The following EVI5 variants were observed in gnomAD, a reference collection of about 807,000 sequenced individuals.
EVI5 encodes ecotropic viral integration site 5.
EVI5 carries 73 observed loss-of-function variants against 112.0 expected under a neutral mutation model. The observed-to-expected ratio is 0.65, with a 90% CI of 0.54 to 0.79. The LOEUF (loss-of-function observed/expected upper bound fraction) is 0.79. Ranked by LOEUF, EVI5 falls within the 30% of genes least tolerant of loss-of-function variation. EVI5 has a pLI of 0.00. For missense variants in EVI5, 900 were observed against 968.8 expected (o/e 0.93, Z 0.94); for synonymous variants, 305 against 319.9 (o/e 0.95, Z 0.50).
Position 92,605,400 on chromosome 1 carries a change from AT to A in EVI5, c.1976del (p.Asn659IlefsTer5), listed in dbSNP as rs1650154887. ...GCCTCACAGCCATCACTTCTTCCTT[AT>A]TCTAGTGTGGTAAACCAAACCGAAA... Reference protein sequence around the residue: ...KRKQAEIECKNKEEVMAVRLR... With the variant: ...KRKQAEIECKXKEEVMAVRLR... On this transcript the variant is annotated frameshift_variant and splice_region_variant, in exon 18 of 20. Coordinates refer to ENST00000684568, the MANE Select transcript of EVI5 (RefSeq NM_001350197.2). LOFTEE classifies it high-confidence loss of function. 6.2e-7 allele frequency: 1 copy of A among 1,607,374 alleles called. No individual in the cohort carries two copies. Among genetic ancestry groups the A allele is most frequent in the East Asian group, 2.2e-5 (1 of 44,858 alleles).
Position 92,564,096 on chromosome 1 carries a change from T to C in EVI5, c.2071-359A>G, listed in dbSNP as rs528158719. Among the ~76,000 whole-genome samples, 5 of 152,284 alleles carry C rather than the reference T, an allele frequency of 3.3e-5. No individual in the cohort carries two copies. In the East Asian group the frequency reaches 7.7e-4, roughly 23 times the overall value. On this transcript the variant is annotated intron_variant, in intron 18 of 19. Transcript: ENST00000684568. ...GTGCCACCACGCCTGGCTAATTTTG[T>C]ATTTTTAGTAGACACAGGGTTTCTC... is the stretch of plus-strand genomic sequence containing the variant.
At chr1:92,567,413 G>T (rs1669668441) in intron 18 of EVI5, among the ~76,000 whole-genome samples, 1 of 152,142 alleles carries the variant, frequency 6.6e-6, no homozygotes, top group Non-Finnish European at 1.5e-5. Flanking sequence ...CTCACCCAAA[G>T]CAACTTTCAG....
intron 14 of EVI5, among the ~76,000 whole-genome samples, chr1:92,634,175 T>C (rs541183531): frequency 1.3e-5 from 2 of 152,150 alleles, no homozygotes; most frequent in Non-Finnish European, 2.9e-5. Context: ...TTGCTCTTCT[T>C]GAGGAGTATC....
At chr1:92,653,929 T>C (rs1451847613) in intron 13 of EVI5, among the ~76,000 whole-genome samples, 1 of 151,908 alleles carries the variant, frequency 6.6e-6, no homozygotes, top group Non-Finnish European at 1.5e-5. Flanking sequence ...GGGAGAGAGA[T>C]TACATTCCTG....
intron 16 of EVI5, among the ~76,000 whole-genome samples, chr1:92,609,356 AATTTC>A (rs1344913297): frequency 7.9e-5 from 12 of 151,950 alleles, no homozygotes; most frequent in African/African-American, 1.2e-4. Context: ...CATGTCATGT[AATTTC>A]ATTTCATTTT....
At chr1:92,519,138 GAA>G (rs1248226185) in intron 19 of EVI5, among the ~76,000 whole-genome samples, 1 of 151,956 alleles carries the variant, frequency 6.6e-6, no homozygotes, top group Non-Finnish European at 1.5e-5. Context: ...ATTTTTTCAG[GAA>G]AGTAGATAAT....
At chr1:92,776,712 T>C (rs1403953955) in intron 1 of EVI5, among the ~76,000 whole-genome samples, 1 of 151,562 alleles carries the variant, frequency 6.6e-6, no homozygotes, top group Non-Finnish European at 1.5e-5. Context: ...CTCGACTCAC[T>C]GCAGCCTCTG....
intron 13 of EVI5, chr1:92,647,327 G>C (rs187691382): frequency 6.0e-5 from 13 of 217,492 alleles, no homozygotes; most frequent in Non-Finnish European, 3.8e-5. Context: ...ATCTTGGGGT[G>C]AAATTCTGAA....
At position 92,513,798 on chromosome 1, in the gene EVI5, C is replaced by A. The variant is rs1367411605; in HGVS notation, c.2339G>T (p.Gly780Val). The A allele has an allele frequency of 1.9e-6, 3 of 1,613,074 alleles. No homozygotes were observed. Among genetic ancestry groups the A allele is most frequent in the African/African-American group, 2.7e-5 (2 of 74,604 alleles). ...CACTGCGGGGTCCAAAGACATCGAACCAGATTTTCCGTGCAAAGGAAAACC... is the reference window on the plus strand; with the variant it reads ...CACTGCGGGGTCCAAAGACATCGAAACAGATTTTCCGTGCAAAGGAAAACC... ...GVGFPLHGKS[G>V]SMSLDPAVAD... Residue 780 changes from glycine to valine, a missense_variant, in exon 20 of 20, where the codon GGT becomes GTT. By Grantham distance (109) the Gly-to-Val change is moderately radical. Coordinates refer to ENST00000684568, the MANE Select transcript of EVI5 (RefSeq NM_001350197.2).
At chr1:92,637,030 A>G (rs1248519732) in intron 13 of EVI5, among the ~76,000 whole-genome samples, 1 of 152,208 alleles carries the variant, frequency 6.6e-6, no homozygotes, top group African/African-American at 2.4e-5. Flanking sequence ...AAAACAGGGT[A>G]CCTACAATAA....
intron 9 of EVI5, among the ~76,000 whole-genome samples, chr1:92,677,429 C>A (rs1666935099): frequency 6.6e-6 from 1 of 152,054 alleles, no homozygotes; most frequent in Admixed American, 6.6e-5. Flanking sequence ...ATAAAAACCA[C>A]ACAAAAAGAA....
chr1:92,522,631 CAAAA>C (rs61277173), intron 19 of EVI5, among the ~76,000 whole-genome samples: 2 of 70,486 alleles, frequency 2.8e-5, no homozygotes, highest in Admixed American at 2.2e-4. Flanking sequence ...ACTCCATCTC[CAAAA>C]AAAAAAAAAA....
At chr1:92,782,953 C>T (rs1181520446) in intron 1 of EVI5, among the ~76,000 whole-genome samples, 2 of 151,982 alleles carry the variant, frequency 1.3e-5, no homozygotes, top group Non-Finnish European at 2.9e-5. Context: ...CTGGGTAGCT[C>T]GGACTACCAG....
At chr1:92,635,976 C>T (rs1465988446) in intron 14 of EVI5, among the ~76,000 whole-genome samples, 1 of 152,154 alleles carries the variant, frequency 6.6e-6, no homozygotes, top group Non-Finnish European at 1.5e-5. Context: ...CAAAAGGGCT[C>T]TAATCTCCAT....
chr1:92,606,797 GT>G (rs767814206), intron 17 of EVI5, among the ~76,000 whole-genome samples: 40 of 151,822 alleles, frequency 2.6e-4, no homozygotes, highest in Middle Eastern at 3.2e-3. Flanking sequence ...CCATGGAAAG[GT>G]GGATGCCTAG....
At chr1:92,697,028 A>C (rs1448285959) in intron 6 of EVI5, among the ~76,000 whole-genome samples, 1 of 152,190 alleles carries the variant, frequency 6.6e-6, no homozygotes, top group Non-Finnish European at 1.5e-5. Context: ...CCACAGAGCG[A>C]GACTCCATCT....
At chr1:92,561,609 CTAT>C (rs1557790228) in intron 19 of EVI5, among the ~76,000 whole-genome samples, 1 of 20,866 alleles carries the variant, frequency 4.8e-5, no homozygotes, top group East Asian at 1.5e-3. Context: ...CTAATCTATC[CTAT>C]CTATCTATCT....
chr1:92,628,388 T>A (rs1656160859), intron 14 of EVI5, among the ~76,000 whole-genome samples: 1 of 152,242 alleles, frequency 6.6e-6, no homozygotes, highest in African/African-American at 2.4e-5. Context: ...TTCTTGGTCA[T>A]GAAATCCTTG....
intron 19 of EVI5, among the ~76,000 whole-genome samples, chr1:92,550,781 A>AATAT (rs1330757944): frequency 0.096 from 1,945 of 20,278 alleles, 103 homozygotes; most frequent in South Asian, 0.14. Flanking sequence ...AAAAAAAAAA[A>AATAT]ATATATATAT....
Sources: gnomAD v4.1 joint callset for allele counts (sites outside exome capture counted in the v4.1 genomes callset) on GRCh38, gnomAD v4.1.1 for gene constraint, MANE v1.5 for transcripts, NCBI Gene and HGNC (gene_info 2026-07-23, HGNC 2026-07-21) for gene names.